ANKRD44: variants seen among roughly 807,000 people sequenced by gnomAD.
The protein encoded by ANKRD44 is serine/threonine-protein phosphatase 6 regulatory ankyrin repeat subunit B.
In ANKRD44, 35 loss-of-function variants were observed where a neutral mutation model predicts 116.0. The ratio of observed to expected loss-of-function variants is 0.30; its 90% CI spans 0.23 to 0.40. The LOEUF is 0.40. ANKRD44 is among the 10% of genes least tolerant of loss of function. The pLI is 1.00. For synonymous variants in ANKRD44, 435 were observed against 461.8 expected (o/e 0.94, Z 0.74); for missense variants, 1,014 against 1,242.6 (o/e 0.82, Z 2.77).
At chr2:197,107,906 G>C (rs2078470778) in intron 9 of ANKRD44, among the ~76,000 whole-genome samples, 1 of 152,138 alleles carries the variant, frequency 6.6e-6, no homozygotes, top group Admixed American at 6.5e-5. Flanking sequence ...TTCTCCCCAA[G>C]GGCATTTTAA....
At chr2:197,098,157 C>T (rs918546600) in intron 10 of ANKRD44, among the ~76,000 whole-genome samples, 7 of 152,188 alleles carry the variant, frequency 4.6e-5, no homozygotes, top group African/African-American at 1.7e-4. Context: ...TCTGTTCCCA[C>T]AGCCTGGTCC....
Position 197,217,663 on chromosome 2 carries a change from G to A in ANKRD44, c.28-30557C>T, listed in dbSNP as rs534013034. Among the ~76,000 whole-genome samples the A allele has an allele frequency of 1.5e-4, 23 of 152,278 alleles. No homozygotes were observed. In the South Asian group the frequency reaches 4.4e-3, roughly 29 times the overall value. ...TCCCCCTTTTGTGCAGAGCTATAAC[G>A]GTTCTGAGCCACTCATCTGCTCTTT... On this transcript the variant is annotated intron_variant, in intron 1 of 27. Transcript: ENST00000282272.
At chr2:197,051,038 T>C (rs1284706977) in intron 16 of ANKRD44, among the ~76,000 whole-genome samples, 1 of 149,328 alleles carries the variant, frequency 6.7e-6, no homozygotes, top group Non-Finnish European at 1.5e-5. Flanking sequence ...TTATGGCTCA[T>C]TTCAGCCTTG....
rs543924542 is a variant in ANKRD44 at position 196,987,825 on chromosome 2, C to G, written c.*1766G>C. 1.6e-5 allele frequency: 16 copies of G among 983,762 alleles called. No homozygotes were observed. In the African/African-American group the frequency reaches 2.6e-4, roughly 16 times the overall value. The allele number at this position is 983,762 out of a possible 1,614,324, so 60.9% of individuals were successfully genotyped here. On this transcript the variant is annotated 3_prime_UTR_variant, in exon 28 of 28. Coordinates refer to ENST00000282272, the MANE Select transcript of ANKRD44 (RefSeq NM_001195144.2). ...AAATAAAAGCACTAAGCAACTAAGA[C>G]TCAGTTAAAAACACATTTTTTTTTC...
At chr2:197,220,564 T>G (rs887991234) in intron 1 of ANKRD44, among the ~76,000 whole-genome samples, 1 of 152,202 alleles carries the variant, frequency 6.6e-6, no homozygotes, top group African/African-American at 2.4e-5. Context: ...AAATACTCTT[T>G]ACCTTTGTGG....
At chr2:197,073,384 C>T (rs75165901) in intron 16 of ANKRD44, among the ~76,000 whole-genome samples, 5 of 152,226 alleles carry the variant, frequency 3.3e-5, no homozygotes, top group Admixed American at 6.5e-5. Flanking sequence ...GACTCTTCCA[C>T]GCAGCCTTCC....
chr2:197,125,222 G>A (rs1375300318), intron 6 of ANKRD44, among the ~76,000 whole-genome samples, 159 bp downstream of exon 6: 1 of 152,288 alleles, frequency 6.6e-6, no homozygotes, highest in South Asian at 2.1e-4. Context: ...CGACTGGAGT[G>A]CACTATGCAT....
chr2:197,049,599 GTA>G (rs1188952030), intron 16 of ANKRD44, among the ~76,000 whole-genome samples: 1 of 151,678 alleles, frequency 6.6e-6, no homozygotes, highest in African/African-American at 2.4e-5. Flanking sequence ...TTCATGTTTT[GTA>G]TATTATTTAG....
At chr2:197,186,770 TA>T (rs902434546) in intron 2 of ANKRD44, among the ~76,000 whole-genome samples, 5 of 151,752 alleles carry the variant, frequency 3.3e-5, no homozygotes, top group Non-Finnish European at 7.4e-5. Flanking sequence ...CTAAATGTGT[TA>T]TTTTTTTTAA....
intron 25 of ANKRD44, among the ~76,000 whole-genome samples, chr2:196,996,902 CAAA>C (rs55760106): frequency 4.5e-5 from 4 of 88,980 alleles, no homozygotes; most frequent in African/African-American, 1.7e-4. Flanking sequence ...GACTCTGCCT[CAAA>C]AAAAAAAAAA....
intron 1 of ANKRD44, among the ~76,000 whole-genome samples, chr2:197,209,692 T>A (rs2081284663): frequency 6.6e-6 from 1 of 152,246 alleles, no homozygotes; most frequent in Non-Finnish European, 1.5e-5. Context: ...ATTGGTTGAT[T>A]GGTCTTTCAT....
At chr2:197,268,028 G>A (rs1466339100) in intron 1 of ANKRD44, among the ~76,000 whole-genome samples, 3 of 152,214 alleles carry the variant, frequency 2.0e-5, no homozygotes, top group South Asian at 2.1e-4. Context: ...CTCCAGGAAG[G>A]AGCCAAATGT....
chr2:197,288,950 C>T (rs766187575), intron 1 of ANKRD44, among the ~76,000 whole-genome samples: 1 of 152,094 alleles, frequency 6.6e-6, no homozygotes, highest in Non-Finnish European at 1.5e-5. Context: ...TGGGTACTAA[C>T]ATACAGTTTA....
chr2:197,039,730 G>A lies in ANKRD44; in HGVS notation c.1651-14463C>T, dbSNP rs1385669485. On this transcript the variant is annotated intron_variant, in intron 16 of 27. Coordinates refer to ENST00000282272, the MANE Select transcript of ANKRD44 (RefSeq NM_001195144.2). ...GTGTGTGTGTGTGTGTGTGTGAAGG[G>A]GCAGGGGAGAGGAGGACAAAAATGA... Among the ~76,000 whole-genome samples the A allele has an allele frequency of 2.0e-5, 3 of 147,632 alleles. No homozygotes were observed. In the East Asian group the frequency reaches 6.0e-4, roughly 29 times the overall value.
At position 197,110,070 on chromosome 2, in the gene ANKRD44, G is replaced by A. The variant is rs796723753; in HGVS notation, c.985+696C>T. Among the ~76,000 whole-genome samples the A allele has an allele frequency of 5.3e-5, 8 of 151,930 alleles. No individual in the cohort carries two copies. The East Asian group carries it at 1.6e-3, about 29-fold the overall frequency. On this transcript the variant is annotated intron_variant, in intron 9 of 27. Coordinates refer to ENST00000282272, the MANE Select transcript of ANKRD44 (RefSeq NM_001195144.2). The stretch of plus-strand genomic sequence containing the variant: ...TGGCTCAGTGCAACTTCCTCCTCCC[G>A]AGTTCAAGCGATTCTCCTGCCTCAG...
chr2:197,199,213 G>GA (rs11444050), intron 1 of ANKRD44: 34,874 of 150,868 alleles, frequency 0.23, 4,217 homozygotes, highest in Middle Eastern at 0.29. Flanking sequence ...TCATGAGAAA[G>GA]AAAAAAAAAT....
intron 1 of ANKRD44, among the ~76,000 whole-genome samples, chr2:197,237,518 C>T (rs1051430057): frequency 6.6e-6 from 1 of 152,172 alleles, no homozygotes; most frequent in South Asian, 2.1e-4. Flanking sequence ...ATATTTCATG[C>T]CATTAACATT....
chr2:197,111,557 T>G (rs1408479634), intron 8 of ANKRD44, among the ~76,000 whole-genome samples: 1 of 151,522 alleles, frequency 6.6e-6, no homozygotes, highest in African/African-American at 2.4e-5. Flanking sequence ...GAGAATTGCT[T>G]GAATCCAGGA....
In ANKRD44 at chr2:197,192,541, A is replaced by G. The variant is rs891319152; in HGVS notation, c.28-5435T>C. On this transcript the variant is annotated intron_variant, in intron 1 of 27. Coordinates refer to ENST00000282272, the MANE Select transcript of ANKRD44 (RefSeq NM_001195144.2). ...GTTATCAGTAGCTGATAGCTGATAC[A>G]GCAATAATCTAGCCATATGAAGCCA... Among the ~76,000 whole-genome samples, 36 of 152,226 alleles carry G rather than the reference A, an allele frequency of 2.4e-4. 1 individual carries two copies. The highest frequency in any genetic ancestry group is 3.3e-4 in the Admixed American group (5 of 15,290).
Sources: allele counts gnomAD v4.1 joint callset (sites outside exome capture counted in the v4.1 genomes callset), GRCh38; gene constraint gnomAD v4.1.1; transcripts MANE v1.5; gene names NCBI Gene and HGNC (gene_info 2026-07-23, HGNC 2026-07-21).